RRM2: variants seen among roughly 807,000 people sequenced by gnomAD.
RRM2 encodes the protein ribonucleoside-diphosphate reductase subunit M2.
Under a neutral mutation model 45.9 loss-of-function variants are expected in RRM2, and 6 were observed. The observed-to-expected ratio is 0.13, with a 90% CI of 0.07 to 0.26. The LOEUF (loss-of-function observed/expected upper bound fraction) is 0.26, where lower values mean the gene tolerates loss of function less well. Ranked by LOEUF, RRM2 falls within the 10% of genes least tolerant of loss-of-function variation. The pLI, the probability that RRM2 is intolerant of heterozygous loss-of-function variation, is 1.00. For missense variants in RRM2, 343 were observed against 489.5 expected (o/e 0.70, Z 2.82); for synonymous variants, 177 against 173.0 (o/e 1.02, Z -0.18).
chr2:10,158,134 C>T (rs983078996), intron 3 of RRM2, among the ~76,000 whole-genome samples: 1 of 152,108 alleles, frequency 6.6e-6, no homozygotes, highest in African/African-American at 2.4e-5. Context: ...GGATGGCTAC[C>T]TTGATTTTAC....
intron 3 of RRM2, among the ~76,000 whole-genome samples, chr2:10,188,821 C>T (rs1187716690): frequency 4.6e-5 from 7 of 152,274 alleles, no homozygotes; most frequent in African/African-American, 1.2e-4. Context: ...GAGGGCGCTG[C>T]GGAGAGAGTG....
Position 10,122,794 on chromosome 2 carries a change from C to T in RRM2, c.-5C>T, listed in dbSNP as rs1662687305. On this transcript the variant is annotated 5_prime_UTR_variant, in exon 1 of 10. Coordinates refer to ENST00000304567, the MANE Select transcript of RRM2 (RefSeq NM_001034.4). ...CTGCTCGCTCTGCTTCGCTGCGCCT[C>T]CACTATGCTCTCCCTCCGTGTCCCG... 1 of 1,587,050 alleles carries T rather than the reference C, an allele frequency of 6.3e-7. No homozygotes were observed. The highest frequency in any genetic ancestry group is 1.2e-5 in the South Asian group (1 of 86,834).
At position 10,123,445 on chromosome 2, in the gene RRM2, G is replaced by A; in HGVS notation, c.233G>A (p.Arg78His). 6.2e-7 allele frequency: 1 copy of A among 1,614,140 alleles called. No homozygotes were observed. Among genetic ancestry groups the A allele is most frequent in the Non-Finnish European group, 8.5e-7 (1 of 1,180,012 alleles). The change falls in exon 3 of 10, where the codon CGC becomes CAC. Residue 78 changes from arginine to histidine, a missense_variant. Coordinates refer to ENST00000304567, the MANE Select transcript of RRM2 (RefSeq NM_001034.4). ...EDEPLLRENPRRFVIFPIEYH... is the reference protein window; with the variant it reads ...EDEPLLRENPHRFVIFPIEYH... The stretch of plus-strand genomic sequence containing the variant: ...GAGCCGCTGCTGAGAGAAAACCCCC[G>A]CCGCTTTGTCATCTTCCCCATCGAG...
At chr2:10,151,698 C>G (rs988788448) in intron 3 of RRM2, among the ~76,000 whole-genome samples, 2 of 152,162 alleles carry the variant, frequency 1.3e-5, no homozygotes, top group East Asian at 3.8e-4. Flanking sequence ...GTGACCATAC[C>G]GCTTTACATG....
At chr2:10,197,622 G>A (rs1397867893) in intron 3 of RRM2, among the ~76,000 whole-genome samples, 4 of 152,144 alleles carry the variant, frequency 2.6e-5, no homozygotes, top group African/African-American at 9.7e-5. Context: ...GCTGGGCGGT[G>A]GGCCCAGGGG....
intron 3 of RRM2, among the ~76,000 whole-genome samples, chr2:10,209,033 C>G (rs995578122): frequency 4.6e-5 from 4 of 87,112 alleles, no homozygotes; most frequent in African/African-American, 1.8e-4. Context: ...AAAGTGGTTT[C>G]TTTCTTTCTT....
At position 10,185,849 on chromosome 2, in the gene RRM2, A is replaced by T. The variant is rs1664153691; in HGVS notation, n.483-24462A>T. 6.6e-6 allele frequency among the ~76,000 whole-genome samples: 1 copy of T among 151,964 alleles called. No homozygotes were observed. The highest frequency in any genetic ancestry group is 2.1e-4 in the South Asian group (1 of 4,814). ...AGTCTCATCTTCTGGGTGACCGAAG[A>T]TGGGGCAGTGCAGCCCCTGCTGAGC... On this transcript the variant is annotated intron_variant and non_coding_transcript_variant, in intron 3 of 3. Coordinates refer to the RRM2 transcript ENST00000381786. This position sits in a 1 kb window ranked among gnomAD's most constrained non-coding sequence, Gnocchi z 4.3.
At position 10,122,776 on chromosome 2, in the gene RRM2, C is replaced by T; in HGVS notation, c.-23C>T. ...CCAGCCGTCCTGTCCTGGCTGCTCG[C>T]TCTGCTTCGCTGCGCCTCCACTATG... is the stretch of plus-strand genomic sequence containing the variant. On this transcript the variant is annotated 5_prime_UTR_variant, in exon 1 of 10. Coordinates refer to ENST00000304567, the MANE Select transcript of RRM2 (RefSeq NM_001034.4). 1.9e-6 allele frequency: 3 copies of T among 1,569,410 alleles called. No homozygotes were observed. The highest frequency in any genetic ancestry group is 2.6e-6 in the Non-Finnish European group (3 of 1,157,998).
In RRM2 at chr2:10,172,734, C is replaced by T. The variant is rs1663829046; in HGVS notation, n.482+30359C>T. 6.6e-6 allele frequency among the ~76,000 whole-genome samples: 1 copy of T among 152,202 alleles called. No homozygotes were observed. Among genetic ancestry groups the T allele is most frequent in the Non-Finnish European group, 1.5e-5 (1 of 68,044 alleles). ...GGGCTGGGTGTGTTGTTGCTGCACC[C>T]AGGACTGCCCACATCAGTTGCAAAA... is the stretch of plus-strand genomic sequence containing the variant. On this transcript the variant is annotated intron_variant and non_coding_transcript_variant, in intron 3 of 3. Coordinates refer to the RRM2 transcript ENST00000381786. This position sits in a 1 kb window ranked among gnomAD's most constrained non-coding sequence, Gnocchi z 4.9.
chr2:10,208,525 A>T (rs1168615751), intron 3 of RRM2, among the ~76,000 whole-genome samples: 1 of 152,194 alleles, frequency 6.6e-6, no homozygotes, highest in Non-Finnish European at 1.5e-5. Context: ...GATCTCACCG[A>T]ATCTCTTGGG....
exon 1 of RRM2, chr2:10,141,554 T>G (rs1231963634): frequency 7.4e-6 from 3 of 408,058 alleles, no homozygotes; most frequent in Non-Finnish European, 9.2e-6. Flanking sequence ...CTATTAACTG[T>G]GGTTGTGCTG....
chr2:10,122,691 AGC>A (rs1298710883), upstream of RRM2: 1 of 1,550,782 alleles, frequency 6.4e-7, no homozygotes, highest in Non-Finnish European at 8.7e-7. Flanking sequence ...AAGGGCCGGG[AGC>A]GCGCGGCGCG....
Position 10,127,446 on chromosome 2 carries a change from CT to C in RRM2, c.798+227del. 2.1e-6 allele frequency: 1 copy of C among 480,270 alleles called. No individual in the cohort carries two copies. Among genetic ancestry groups the C allele is most frequent in the Non-Finnish European group, 3.7e-6 (1 of 271,492 alleles). 29.8% of individuals were successfully genotyped at this position (480,270 alleles called of 1,614,324 possible). ...AATACATTTGTACATATGTATTCCC[CT>C]ATAGGCTTTGAATGCATAAAACTAC... On this transcript the variant is annotated intron_variant, in intron 7 of 9. Coordinates refer to ENST00000304567, the MANE Select transcript of RRM2 (RefSeq NM_001034.4). The surrounding 1 kb of genome is among the most constrained non-coding windows in gnomAD (Gnocchi z 4.1).
At chr2:10,124,996 C>G (rs971390934) in intron 5 of RRM2, 146 bp downstream of exon 5, 15 of 665,300 alleles carry the variant, frequency 2.3e-5, no homozygotes, top group African/African-American at 3.6e-5. Flanking sequence ...CATGTCTGCT[C>G]TTAGCAAGGG....
At chr2:10,166,576 G>T (rs1231210679) in intron 3 of RRM2, among the ~76,000 whole-genome samples, 1 of 152,218 alleles carries the variant, frequency 6.6e-6, no homozygotes, top group Non-Finnish European at 1.5e-5. Context: ...CACTGCCCCT[G>T]GGGGTAGAGA....
intron 3 of RRM2, among the ~76,000 whole-genome samples, chr2:10,150,559 C>T (rs923076787): frequency 1.3e-5 from 2 of 149,760 alleles, no homozygotes; most frequent in East Asian, 1.9e-4. Context: ...CAATAAACTG[C>T]GCCTATTGAA....
rs116723976 is a variant in RRM2, at chr2:10,169,936, G to A, written n.482+27561G>A. The stretch of plus-strand genomic sequence containing the variant: ...CCTGGGAGGCCTTGGCTGGCATCCC[G>A]TTTACATAGCGAGTGGCCCCACCTG... On this transcript the variant is annotated intron_variant and non_coding_transcript_variant, in intron 3 of 3. Coordinates refer to the RRM2 transcript ENST00000381786. The surrounding 1 kb of genome is among the most constrained non-coding windows in gnomAD (Gnocchi z 5.1). 9.6e-3 allele frequency among the ~76,000 whole-genome samples: 1,459 copies of A among 152,280 alleles called. 30 individuals are homozygous for A. The highest frequency in any genetic ancestry group is 0.034 in the African/African-American group (1,401 of 41,548).
intron 3 of RRM2, among the ~76,000 whole-genome samples, chr2:10,142,942 C>T (rs764710536): frequency 6.6e-6 from 1 of 152,218 alleles, no homozygotes; most frequent in Non-Finnish European, 1.5e-5. Flanking sequence ...GGCGCGATCT[C>T]GACTCACTAC....
chr2:10,155,098 A>G (rs1320211878), intron 3 of RRM2: 2 of 249,686 alleles, frequency 8.0e-6, no homozygotes, highest in Non-Finnish European at 1.6e-5. Flanking sequence ...TGAATTGGCC[A>G]CTGACACTGG....
Sources: allele counts gnomAD v4.1 joint callset (sites outside exome capture counted in the v4.1 genomes callset), GRCh38; gene constraint gnomAD v4.1.1; non-coding constraint Gnocchi (gnomAD v3.1); transcripts MANE v1.5; gene names NCBI Gene and HGNC (gene_info 2026-07-23, HGNC 2026-07-21).